Variants in CSMD1 observed in about 807,000 individuals in gnomAD.
CSMD1 encodes the protein CUB and Sushi multiple domains 1, also known as CUB and sushi domain-containing protein 1.
Under a neutral mutation model 417.5 loss-of-function variants are expected in CSMD1, and 213 were observed. The observed-to-expected ratio is 0.51, with a 90% CI of 0.46 to 0.57. The LOEUF (loss-of-function observed/expected upper bound fraction) is 0.57. Ranked by LOEUF, CSMD1 falls within the 20% of genes least tolerant of loss-of-function variation. The probability of loss-of-function intolerance (pLI) is 0.00; values close to 1 mark genes in which losing one functional copy is unlikely to be tolerated. For synonymous variants in CSMD1, 2,862 were observed against 1,736.8 expected (o/e 1.65, Z -16.11); for missense variants, 6,923 against 4,529.7 (o/e 1.53, Z -15.17).
chr8:4,208,991 C>G (rs1452324495), intron 3 of CSMD1, among the ~76,000 whole-genome samples: 1 of 152,218 alleles, frequency 6.6e-6, no homozygotes, highest in Non-Finnish European at 1.5e-5. Context: ...GTGAAAGCTG[C>G]TTTCTGCTTA....
intron 2 of CSMD1, among the ~76,000 whole-genome samples, chr8:4,587,023 T>C (rs1799735516): frequency 6.6e-6 from 1 of 152,200 alleles, no homozygotes. Flanking sequence ...AAAATAAGTT[T>C]AGTTAATTTT....
intron 2 of CSMD1, among the ~76,000 whole-genome samples, chr8:4,624,246 G>A (rs541837040): frequency 3.9e-5 from 6 of 152,160 alleles, no homozygotes; most frequent in Admixed American, 6.5e-5. Context: ...GTACACTTCC[G>A]GTAGATCAAA....
chr8:4,796,866 C>G (rs1376911361), intron 1 of CSMD1, among the ~76,000 whole-genome samples: 2 of 152,294 alleles, frequency 1.3e-5, no homozygotes, highest in East Asian at 3.9e-4. Context: ...TGGGGTCAGG[C>G]AAGCCGCACA....
At chr8:4,654,778 A>G (rs889061592) in intron 1 of CSMD1, among the ~76,000 whole-genome samples, 4 of 152,082 alleles carry the variant, frequency 2.6e-5, no homozygotes, top group African/African-American at 9.7e-5. Flanking sequence ...CCTTCTGTGT[A>G]CACAGGCAGA....
intron 7 of CSMD1, among the ~76,000 whole-genome samples, chr8:3,618,471 G>GT (rs141443972): frequency 0.036 from 5,531 of 151,682 alleles, 323 homozygotes; most frequent in African/African-American, 0.12. Context: ...TTTAAAATAA[G>GT]TTTTTTTTAA....
At chr8:3,294,262 C>G (rs557017109) in intron 25 of CSMD1, among the ~76,000 whole-genome samples, 1 of 152,154 alleles carries the variant, frequency 6.6e-6, no homozygotes, top group Non-Finnish European at 1.5e-5. Context: ...TTAGGCTACT[C>G]AGGGGTCAGG....
intron 1 of CSMD1, among the ~76,000 whole-genome samples, chr8:4,961,355 T>G (rs957207569): frequency 1.3e-5 from 2 of 152,148 alleles, no homozygotes; most frequent in African/African-American, 4.8e-5. Context: ...TCTTTCAACC[T>G]GACCTGATTG....
chr8:4,536,953 A>C (rs1304534438), intron 2 of CSMD1, among the ~76,000 whole-genome samples: 2 of 152,232 alleles, frequency 1.3e-5, no homozygotes, highest in East Asian at 3.9e-4. Context: ...TGGAAAAATG[A>C]GAAATGGCAT....
chr8:4,950,692 T>G (rs994003328), intron 1 of CSMD1, among the ~76,000 whole-genome samples: 1 of 152,202 alleles, frequency 6.6e-6, no homozygotes, highest in African/African-American at 2.4e-5. Context: ...TTACTTTGAT[T>G]ACATTGGCAA....
intron 3 of CSMD1, among the ~76,000 whole-genome samples, chr8:4,122,170 A>G (rs73504987): frequency 4.6e-5 from 7 of 152,156 alleles, no homozygotes; most frequent in African/African-American, 1.7e-4. Flanking sequence ...GACAGACTTG[A>G]TAAGAATGAC....
intron 2 of CSMD1, among the ~76,000 whole-genome samples, chr8:4,425,216 C>T (rs984599852): frequency 6.6e-6 from 1 of 151,676 alleles, no homozygotes; most frequent in Admixed American, 6.6e-5. Flanking sequence ...GATATTAGTT[C>T]AGGAAGTAGG....
chr8:3,697,341 A>T (rs978505280), intron 7 of CSMD1, among the ~76,000 whole-genome samples: 30 of 152,278 alleles, frequency 2.0e-4, no homozygotes, highest in African/African-American at 6.7e-4. Context: ...TTTAAATAAA[A>T]CCAGGCTTAA....
rs539495604 is a variant in CSMD1, at chr8:4,497,289, A to G, written c.303-77224T>C. On this transcript the variant is annotated intron_variant, in intron 2 of 69. Transcript: ENST00000635120. ...GAATATCATTACTTCTTTGCAACCCAAAGCAAGGAATTTTGAAACGATTAT... is the reference window on the plus strand; with the variant it reads ...GAATATCATTACTTCTTTGCAACCCGAAGCAAGGAATTTTGAAACGATTAT... 2.6e-5 allele frequency among the ~76,000 whole-genome samples: 4 copies of G among 152,320 alleles called. No individual in the cohort carries two copies. In the East Asian group the frequency reaches 5.8e-4, roughly 22 times the overall value.
intron 1 of CSMD1, among the ~76,000 whole-genome samples, chr8:4,917,390 T>C (rs1806136082): frequency 6.6e-6 from 1 of 152,174 alleles, no homozygotes; most frequent in African/African-American, 2.4e-5. Context: ...ACCCCAGCAC[T>C]TTGGGAGGCC....
intron 2 of CSMD1, among the ~76,000 whole-genome samples, chr8:4,439,143 T>A (rs1409600342): frequency 6.6e-6 from 1 of 152,216 alleles, no homozygotes; most frequent in Non-Finnish European, 1.5e-5. Flanking sequence ...ATCACCTTGT[T>A]ACTGCTGTGG....
chr8:4,202,743 G>C (rs150429774), intron 3 of CSMD1, among the ~76,000 whole-genome samples: 1 of 152,176 alleles, frequency 6.6e-6, no homozygotes, highest in African/African-American at 2.4e-5. Context: ...ATAACTAAGT[G>C]TTACAAAGGG....
chr8:4,042,496 G>A (rs548579474), intron 3 of CSMD1, among the ~76,000 whole-genome samples: 1 of 152,172 alleles, frequency 6.6e-6, no homozygotes, highest in Non-Finnish European at 1.5e-5. Flanking sequence ...GTTCAGACAT[G>A]TGAAAACTGA....
rs185405660 is a variant in CSMD1, at chr8:3,134,408, G to C, written c.6241+8057C>G. ...CCAACCACGAAGGCATGCGCTGCAAGTCCTTGTGGAGAACGTTTGACTCTC... is the reference window on the plus strand; with the variant it reads ...CCAACCACGAAGGCATGCGCTGCAACTCCTTGTGGAGAACGTTTGACTCTC... On this transcript the variant is annotated intron_variant, in intron 41 of 69. Transcript: ENST00000635120. Among the ~76,000 whole-genome samples the C allele has an allele frequency of 1.4e-3, 218 of 152,276 alleles. 1 individual carries two copies. The highest frequency in any genetic ancestry group is 4.9e-3 in the African/African-American group (204 of 41,548).
intron 49 of CSMD1, among the ~76,000 whole-genome samples, chr8:3,083,034 G>A (rs899520163): frequency 6.6e-6 from 1 of 152,122 alleles, no homozygotes; most frequent in Non-Finnish European, 1.5e-5. Context: ...CCCACGTGGA[G>A]TTCTAAACAT....
Sources: allele counts gnomAD v4.1 joint callset (sites outside exome capture counted in the v4.1 genomes callset), GRCh38; gene constraint gnomAD v4.1.1; transcripts MANE v1.5; gene names NCBI Gene and HGNC (gene_info 2026-07-23, HGNC 2026-07-21).